The following FAF1 variants were observed in gnomAD, a reference collection of about 807,000 sequenced individuals.
The protein encoded by FAF1 is FAS-associated factor 1.
Under a neutral mutation model 92.5 loss-of-function variants are expected in FAF1, and 25 were observed. That is an observed-to-expected ratio of 0.27 (90% confidence interval 0.20 to 0.38). The LOEUF is 0.38. Among genes scored for constraint, FAF1 ranks in the 10% least tolerant of loss-of-function variants. FAF1 has a pLI of 1.00. For synonymous variants in FAF1, 234 were observed against 273.2 expected, an observed-to-expected ratio of 0.86 and a Z score of 1.42; for missense variants, 636 against 793.3, an observed-to-expected ratio of 0.80 and a Z score of 2.38.
intron 2 of FAF1, among the ~76,000 whole-genome samples, chr1:50,807,376 A>C (rs989300512): frequency 2.6e-5 from 4 of 152,240 alleles, no homozygotes; most frequent in Non-Finnish European, 2.9e-5. Context: ...CAGGAAACTT[A>C]CAGTAATGCC....
intron 1 of FAF1, among the ~76,000 whole-genome samples, chr1:50,915,923 C>T (rs1275156886): frequency 2.0e-5 from 3 of 151,174 alleles, no homozygotes; most frequent in Non-Finnish European, 4.4e-5. Flanking sequence ...TTTTTTTTTC[C>T]CCTAAAGCTG....
chr1:50,874,452 C>T (rs1570085368), intron 1 of FAF1, among the ~76,000 whole-genome samples: 2 of 152,146 alleles, frequency 1.3e-5, no homozygotes, highest in South Asian at 2.1e-4. Flanking sequence ...ATACTGAACT[C>T]CTAAACTCAA....
chr1:50,531,984 GTCT>G (rs958033375), intron 15 of FAF1, among the ~76,000 whole-genome samples: 2 of 152,072 alleles, frequency 1.3e-5, no homozygotes, highest in African/African-American at 4.8e-5. Context: ...TCAAACTTAA[GTCT>G]TATTTCTAAT....
chr1:50,575,630 C>T (rs1043170991), intron 12 of FAF1, among the ~76,000 whole-genome samples: 4 of 152,102 alleles, frequency 2.6e-5, no homozygotes, highest in African/African-American at 9.7e-5. Flanking sequence ...AATTAGCATT[C>T]TAAGTCTTAT....
intron 1 of FAF1, among the ~76,000 whole-genome samples, chr1:50,912,599 A>C (rs1389446467): frequency 6.6e-6 from 1 of 152,198 alleles, no homozygotes; most frequent in Non-Finnish European, 1.5e-5. Flanking sequence ...ATCACAACCT[A>C]CACAGATGCT....
intron 9 of FAF1, among the ~76,000 whole-genome samples, chr1:50,586,462 A>G (rs1651236753): frequency 6.6e-6 from 1 of 152,222 alleles, no homozygotes; most frequent in Non-Finnish European, 1.5e-5. Flanking sequence ...CTCCTTGGGC[A>G]TACCCAAGCA....
intron 15 of FAF1, among the ~76,000 whole-genome samples, chr1:50,527,868 CCTCTCTCTCTCT>C (rs1332650562): frequency 1.7e-5 from 1 of 57,198 alleles, no homozygotes; most frequent in African/African-American, 1.1e-4. Flanking sequence ...TCCCTCTCTC[CCTCTCTCTCTCT>C]CTCTCTCTCT....
chr1:50,507,833 A>G (rs1287952017), intron 15 of FAF1, among the ~76,000 whole-genome samples: 1 of 152,372 alleles, frequency 6.6e-6, no homozygotes, highest in Non-Finnish European at 1.5e-5. Flanking sequence ...TAAAATTCAG[A>G]TATTTCAGAT....
At position 50,535,316 on chromosome 1, in the gene FAF1, A is replaced by G. The variant is rs993008307; in HGVS notation, c.1494+53T>C. 1.3e-5 allele frequency: 15 copies of G among 1,185,198 alleles called. No individual in the cohort carries two copies. The African/African-American group carries it at 2.1e-4, about 17-fold the overall frequency. 73.4% of individuals were successfully genotyped at this position (1,185,198 alleles called of 1,614,324 possible). A position where few individuals can be genotyped will look rare whatever the true frequency, so the allele number is the denominator to read the frequency against. On this transcript the variant is annotated intron_variant, in intron 15 of 18. Coordinates refer to ENST00000396153, the MANE Select transcript of FAF1 (RefSeq NM_007051.3). Reference sequence around the variant, plus strand: ...GGCATGTATCATCATTTGACAAATTAAAATCCTATTAAAATCTCATCAAAA... The same window carrying G: ...GGCATGTATCATCATTTGACAAATTGAAATCCTATTAAAATCTCATCAAAA...
intron 2 of FAF1, among the ~76,000 whole-genome samples, chr1:50,836,429 A>T (rs1265119245): frequency 6.6e-6 from 1 of 152,062 alleles, no homozygotes; most frequent in Non-Finnish European, 1.5e-5. Context: ...ACATATATTC[A>T]ATAATCTCTT....
intron 7 of FAF1, among the ~76,000 whole-genome samples, chr1:50,680,269 T>C (rs572604700): frequency 1.3e-5 from 2 of 152,342 alleles, no homozygotes; most frequent in South Asian, 4.1e-4. Flanking sequence ...TTCCCTGCTA[T>C]ACCTTAAATA....
intron 1 of FAF1, among the ~76,000 whole-genome samples, chr1:50,890,905 C>T (rs1256757730): frequency 2.0e-5 from 3 of 152,130 alleles, no homozygotes; most frequent in African/African-American, 7.2e-5. Context: ...GAATGTTGGC[C>T]CGCCTTGCTA....
At chr1:50,505,990 T>C (rs1177802073) in intron 15 of FAF1, among the ~76,000 whole-genome samples, 1 of 152,170 alleles carries the variant, frequency 6.6e-6, no homozygotes, top group African/African-American at 2.4e-5. Flanking sequence ...CTGACACTAG[T>C]GTGAAAGATT....
At chr1:50,947,211 G>A (rs115745594) in intron 1 of FAF1, among the ~76,000 whole-genome samples, 1,986 of 152,274 alleles carry the variant, frequency 0.013, 43 homozygotes, top group African/African-American at 0.044. Flanking sequence ...AAAGAGGATG[G>A]GGAGGGCAAA....
intron 15 of FAF1, among the ~76,000 whole-genome samples, chr1:50,500,002 T>G (rs1276150474): frequency 6.6e-6 from 1 of 152,178 alleles, no homozygotes; most frequent in African/African-American, 2.4e-5. Context: ...AAAACACTGC[T>G]GAGAGAAATT....
intron 8 of FAF1, among the ~76,000 whole-genome samples, chr1:50,621,519 C>A (rs528972282): frequency 2.0e-5 from 3 of 150,516 alleles, no homozygotes; most frequent in East Asian, 4.0e-4. Flanking sequence ...CCTGCCTCAG[C>A]CTCCCAAATA....
At chr1:50,750,971 C>A (rs1334492931) in intron 4 of FAF1, among the ~76,000 whole-genome samples, 1 of 111,082 alleles carries the variant, frequency 9.0e-6, no homozygotes, top group African/African-American at 4.9e-5. Flanking sequence ...CCAAGTTTAG[C>A]TCTTTTTTTT....
chr1:50,782,836 G>A (rs1162184899), intron 4 of FAF1, among the ~76,000 whole-genome samples: 1 of 152,088 alleles, frequency 6.6e-6, no homozygotes, highest in Non-Finnish European at 1.5e-5. Flanking sequence ...AATGTCCTAA[G>A]TCTTCACATT....
At chr1:50,927,105 G>T (rs2124739642) in intron 1 of FAF1, among the ~76,000 whole-genome samples, 1 of 152,292 alleles carries the variant, frequency 6.6e-6, no homozygotes, top group African/African-American at 2.4e-5. Flanking sequence ...AAGCAGAAAG[G>T]GGAATAGGGA....
Sources: allele counts gnomAD v4.1 joint callset (sites outside exome capture counted in the v4.1 genomes callset), GRCh38; gene constraint gnomAD v4.1.1; transcripts MANE v1.5; gene names NCBI Gene and HGNC (gene_info 2026-07-23, HGNC 2026-07-21).